GALNT17: variants seen among roughly 807,000 people sequenced by gnomAD.
The protein encoded by GALNT17 is polypeptide N-acetylgalactosaminyltransferase 17, also known as UDP-GalNAc:polypeptide N-acetylgalactosaminyltransferase-like 3.
A neutral mutation model predicts 63.7 loss-of-function variants in GALNT17; 29 were observed. That is an observed-to-expected ratio of 0.46 (90% CI 0.34 to 0.62). The LOEUF (loss-of-function observed/expected upper bound fraction) is 0.62. Ranked by LOEUF, GALNT17 falls within the 20% of genes least tolerant of loss-of-function variation. The pLI is 0.01. For missense variants in GALNT17, 603 were observed against 799.6 expected, an observed-to-expected ratio of 0.75 and a Z score of 2.97; for synonymous variants, 305 against 318.3, an observed-to-expected ratio of 0.96 and a Z score of 0.45.
At chr7:71,529,094 C>A (rs1229838600) in intron 5 of GALNT17, among the ~76,000 whole-genome samples, 1 of 152,018 alleles carries the variant, frequency 6.6e-6, no homozygotes, top group Non-Finnish European at 1.5e-5. Flanking sequence ...GAGATCACAC[C>A]ACTGCACTCC....
At chr7:71,186,237 G>T (rs1028534521) in intron 1 of GALNT17, among the ~76,000 whole-genome samples, 1 of 152,156 alleles carries the variant, frequency 6.6e-6, no homozygotes, top group African/African-American at 2.4e-5. Context: ...AGCTAAAATT[G>T]CATCCCTCTC....
At chr7:71,534,314 G>C (rs1788767991) in intron 5 of GALNT17, among the ~76,000 whole-genome samples, 1 of 151,970 alleles carries the variant, frequency 6.6e-6, no homozygotes, top group Non-Finnish European at 1.5e-5. Context: ...AAAACCATCA[G>C]ATTGGCCGGG....
At chr7:71,430,364 T>C (rs1445488373) in intron 5 of GALNT17, among the ~76,000 whole-genome samples, 9 of 152,212 alleles carry the variant, frequency 5.9e-5, no homozygotes, top group Non-Finnish European at 4.4e-5. Flanking sequence ...CAGAGAACTT[T>C]TGCTCGTAGC....
At chr7:71,172,007 T>C (rs976538066) in intron 1 of GALNT17, among the ~76,000 whole-genome samples, 10 of 152,148 alleles carry the variant, frequency 6.6e-5, no homozygotes. Context: ...TCTTTTCAGC[T>C]CTTGGGTTAC....
At chr7:71,605,478 C>T (rs1790031580) in intron 6 of GALNT17, among the ~76,000 whole-genome samples, 1 of 151,466 alleles carries the variant, frequency 6.6e-6, no homozygotes, top group Non-Finnish European at 1.5e-5. Flanking sequence ...CCCAGCTACT[C>T]AGGAGGCTGA....
chr7:71,576,529 T>TTGTGTG (rs3048366), intron 6 of GALNT17, among the ~76,000 whole-genome samples: 16,210 of 142,736 alleles, frequency 0.11, 998 homozygotes, highest in South Asian at 0.14. Context: ...TTTTTTAACT[T>TTGTGTG]TGTGTGTGTG....
At chr7:71,311,583 G>A (rs577435048) in intron 1 of GALNT17, among the ~76,000 whole-genome samples, 4 of 152,140 alleles carry the variant, frequency 2.6e-5, no homozygotes, top group Non-Finnish European at 5.9e-5. Flanking sequence ...AAGCTGTGGG[G>A]GATCCCAGTT....
At chr7:71,600,271 C>T (rs1398246022) in intron 6 of GALNT17, among the ~76,000 whole-genome samples, 1 of 149,706 alleles carries the variant, frequency 6.7e-6, no homozygotes, top group African/African-American at 2.5e-5. Flanking sequence ...AGTCTAAAGG[C>T]TCCTGGGCAG....
intron 5 of GALNT17, among the ~76,000 whole-genome samples, chr7:71,533,639 G>A (rs1253043280): frequency 6.6e-6 from 1 of 152,162 alleles, no homozygotes; most frequent in Admixed American, 6.5e-5. Flanking sequence ...AGGTCTCTAA[G>A]GTGCTATAGG....
chr7:71,384,334 G>A (rs1316177413), intron 2 of GALNT17, among the ~76,000 whole-genome samples: 1 of 152,096 alleles, frequency 6.6e-6, no homozygotes, highest in African/African-American at 2.4e-5. Context: ...GGTGTCTGGT[G>A]GCAGAATTTC....
intron 5 of GALNT17, among the ~76,000 whole-genome samples, chr7:71,479,273 C>CAA (rs5884842): frequency 0.016 from 2,357 of 143,798 alleles, 64 homozygotes; most frequent in African/African-American, 0.056. Flanking sequence ...ACCTGAATTA[C>CAA]AAAAAAAAAA....
chr7:71,234,972 G>T (rs967401688), intron 1 of GALNT17, among the ~76,000 whole-genome samples: 1 of 152,068 alleles, frequency 6.6e-6, no homozygotes, highest in African/African-American at 2.4e-5. Flanking sequence ...TCTGTTCAGC[G>T]GGGCGCGGTG....
chr7:71,527,287 T>G (rs1323421442), intron 5 of GALNT17, among the ~76,000 whole-genome samples: 3 of 152,182 alleles, frequency 2.0e-5, no homozygotes, highest in Non-Finnish European at 2.9e-5. Flanking sequence ...TACTGGCCAT[T>G]AGGCAATACA....
chr7:71,387,045 G>A (rs1241046827), intron 2 of GALNT17, among the ~76,000 whole-genome samples: 4 of 151,764 alleles, frequency 2.6e-5, no homozygotes, highest in Admixed American at 2.6e-4. Flanking sequence ...TAGGGGAGTG[G>A]CGAGTAAGAC....
chr7:71,570,449 C>T (rs182868942), intron 5 of GALNT17, among the ~76,000 whole-genome samples: 39 of 152,212 alleles, frequency 2.6e-4, no homozygotes, highest in Non-Finnish European at 4.6e-4. Context: ...TCCAGTTTCC[C>T]ATTGCACTCC....
At chr7:71,371,690 A>G (rs1359834802) in intron 2 of GALNT17, among the ~76,000 whole-genome samples, 2 of 152,122 alleles carry the variant, frequency 1.3e-5, no homozygotes, top group African/African-American at 2.4e-5. Flanking sequence ...ATTCACTTAT[A>G]TCTTGTTTTA....
intron 6 of GALNT17, among the ~76,000 whole-genome samples, chr7:71,593,943 C>A (rs1001200135): frequency 1.3e-5 from 2 of 152,140 alleles, no homozygotes; most frequent in Admixed American, 1.3e-4. Context: ...ACAAGAACAA[C>A]CACGCAGGGA....
chr7:71,616,417 T>A (rs1298463714), intron 6 of GALNT17, among the ~76,000 whole-genome samples: 1 of 150,388 alleles, frequency 6.6e-6, no homozygotes, highest in East Asian at 1.9e-4. Flanking sequence ...GCTTCTCTCC[T>A]GGAAATATTT....
At chr7:71,293,692 G>A (rs1006303267) in intron 1 of GALNT17, among the ~76,000 whole-genome samples, 1 of 152,146 alleles carries the variant, frequency 6.6e-6, no homozygotes, top group Non-Finnish European at 1.5e-5. Flanking sequence ...ATTTTAAAAG[G>A]ATAGCTTTGC....
Sources: gnomAD v4.1 joint callset for allele counts (sites outside exome capture counted in the v4.1 genomes callset) on GRCh38, gnomAD v4.1.1 for gene constraint, MANE v1.5 for transcripts, NCBI Gene and HGNC (gene_info 2026-07-23, HGNC 2026-07-21) for gene names.